The following TRMT11 variants were observed in gnomAD, a reference collection of about 807,000 sequenced individuals.
TRMT11 encodes tRNA methyltransferase 11.
Under a neutral mutation model 62.8 loss-of-function variants are expected in TRMT11, and 53 were observed. That is an observed-to-expected ratio of 0.84 (90% confidence interval 0.68 to 1.06). The LOEUF (loss-of-function observed/expected upper bound fraction) is 1.06, where lower values mean the gene tolerates loss of function less well. Ranked by LOEUF, TRMT11 falls within the 50% of genes least tolerant of loss-of-function variation. The probability of loss-of-function intolerance (pLI) is 0.00; values close to 1 mark genes in which losing one functional copy is unlikely to be tolerated. For synonymous variants in TRMT11, 188 were observed against 190.3 expected (o/e 0.99, Z 0.10); for missense variants, 556 against 553.4 (o/e 1.00, Z -0.05).
chr6:126,064,708 A>G (rs1057299584), intron 17 of TRMT11, among the ~76,000 whole-genome samples: 1 of 151,994 alleles, frequency 6.6e-6, no homozygotes. Context: ...GCCAAAAAAA[A>G]TCATGTAAGT....
At chr6:126,165,943 T>A (rs960191436) in intron 21 of TRMT11, among the ~76,000 whole-genome samples, 1 of 152,212 alleles carries the variant, frequency 6.6e-6, no homozygotes, top group Non-Finnish European at 1.5e-5. Flanking sequence ...TTTGGTCTTT[T>A]CACATAGTCC....
At chr6:126,242,967 G>C in the TRMT11 span, among the ~76,000 whole-genome samples, 4 of 152,026 alleles carry the variant, frequency 2.6e-5, no homozygotes, top group Admixed American at 6.6e-5. Flanking sequence ...TTCTGCACAG[G>C]AAAAGAAACT....
chr6:126,101,617 T>C (rs1777403224), intron 17 of TRMT11, among the ~76,000 whole-genome samples: 1 of 152,242 alleles, frequency 6.6e-6, no homozygotes, highest in East Asian at 1.9e-4. Context: ...TTCAGGTCTT[T>C]TTCACTTATT....
chr6:125,990,970 G>A (rs1790520293), intron 1 of TRMT11, among the ~76,000 whole-genome samples: 1 of 151,984 alleles, frequency 6.6e-6, no homozygotes, highest in Non-Finnish European at 1.5e-5. Context: ...TGGGGGTCCG[G>A]GCGCAGTGGC....
intron 1 of TRMT11, among the ~76,000 whole-genome samples, chr6:126,187,234 T>C (rs1778537479): frequency 6.6e-6 from 1 of 151,716 alleles, no homozygotes; most frequent in Admixed American, 6.6e-5. Flanking sequence ...ACAAAAAAAC[T>C]CTTGGAAATA....
chr6:125,994,235 A>G (rs1018362798), intron 2 of TRMT11, among the ~76,000 whole-genome samples: 4 of 152,190 alleles, frequency 2.6e-5, no homozygotes, highest in Non-Finnish European at 5.9e-5. Flanking sequence ...AGTGTTTGAC[A>G]GAAGTTTGGA....
At chr6:126,247,419 C>G in the TRMT11 span, among the ~76,000 whole-genome samples, 1 of 151,062 alleles carries the variant, frequency 6.6e-6, no homozygotes, top group African/African-American at 2.4e-5. Context: ...AGCCAATAAA[C>G]AGATAATTTA....
chr6:126,203,682 T>C (rs559806461), downstream of TRMT11, among the ~76,000 whole-genome samples: 281 of 152,326 alleles, frequency 1.8e-3, 5 homozygotes, highest in African/African-American at 6.4e-3. Flanking sequence ...TAATGTTATT[T>C]GTGATAGTCA....
At chr6:126,239,566 C>T in the TRMT11 span, among the ~76,000 whole-genome samples, 33 of 152,284 alleles carry the variant, frequency 2.2e-4, no homozygotes, top group East Asian at 2.7e-3. Context: ...AGAGTTTCTG[C>T]GGCGAGATCA....
the TRMT11 span, among the ~76,000 whole-genome samples, chr6:126,223,863 T>C: frequency 3.9e-5 from 6 of 152,184 alleles, no homozygotes; most frequent in African/African-American, 1.4e-4. Flanking sequence ...TTTTTCTTTA[T>C]TTTTCTCTGA....
chr6:126,210,336 G>A, the TRMT11 span, among the ~76,000 whole-genome samples: 5 of 152,150 alleles, frequency 3.3e-5, no homozygotes, highest in African/African-American at 1.2e-4. Flanking sequence ...AGGAGCTGAG[G>A]GTCTCAGTCC....
At chr6:126,006,505 C>G in intron 7 of TRMT11, among the ~76,000 whole-genome samples, 1 of 151,862 alleles carries the variant, frequency 6.6e-6, no homozygotes, top group East Asian at 1.9e-4. Flanking sequence ...CACCGAGTTG[C>G]TAGCATAGAT....
chr6:126,069,469 C>G (rs1200943375), intron 17 of TRMT11, among the ~76,000 whole-genome samples: 1 of 151,678 alleles, frequency 6.6e-6, no homozygotes, highest in Non-Finnish European at 1.5e-5. Flanking sequence ...TTTTTTCTTT[C>G]TTTTTCTTTA....
At chr6:126,204,824 G>A (rs954630806), downstream of TRMT11, among the ~76,000 whole-genome samples, 2 of 152,182 alleles carry the variant, frequency 1.3e-5, no homozygotes, top group African/African-American at 4.8e-5. Context: ...AGCAACACTT[G>A]TTGAGCCAGG....
At chr6:126,156,034 G>C (rs1778117739) in intron 21 of TRMT11, among the ~76,000 whole-genome samples, 1 of 152,158 alleles carries the variant, frequency 6.6e-6, no homozygotes, top group African/African-American at 2.4e-5. Context: ...CCTTTTGGAA[G>C]TTATTAAATC....
rs373236248 is a variant in TRMT11, at chr6:126,071,655, C to CTT, written c.*1437+18480_*1437+18481dup. 7.1e-3 allele frequency among the ~76,000 whole-genome samples: 945 copies of CTT among 133,202 alleles called. 11 individuals carry two copies. Among genetic ancestry groups the CTT allele is most frequent in the African/African-American group, 0.024 (886 of 36,466 alleles). The allele number at this position is 133,202 out of a possible 152,430, so 87.4% of individuals were successfully genotyped here. A position where few individuals can be genotyped will look rare whatever the true frequency, so the allele number is the denominator to read the frequency against. On this transcript the variant is annotated intron_variant and NMD_transcript_variant, in intron 17 of 22. Transcript: ENST00000648977. ...CGAGAGAGTAAATGGGTTTGCTTTG[C>CTT]TTTTTTTTTTTTTTTTCTCTCAGGA...
chr6:126,196,057 G>A (rs1162956283), intron 1 of TRMT11, among the ~76,000 whole-genome samples: 1 of 152,146 alleles, frequency 6.6e-6, no homozygotes, highest in Non-Finnish European at 1.5e-5. Flanking sequence ...ACCAACCTTA[G>A]AACTGTTTAT....
intron 16 of TRMT11, among the ~76,000 whole-genome samples, chr6:126,047,787 C>A (rs1776102261): frequency 6.6e-6 from 1 of 152,218 alleles, no homozygotes; most frequent in African/African-American, 2.4e-5. Context: ...TTTGAGCACA[C>A]CCCTGTCACA....
chr6:126,190,948 A>T (rs1778591581), intron 1 of TRMT11, among the ~76,000 whole-genome samples: 2 of 152,072 alleles, frequency 1.3e-5, no homozygotes, highest in South Asian at 4.1e-4. Flanking sequence ...CTTTCTTTTG[A>T]ATATATACCT....
Sources: gnomAD v4.1 joint callset for allele counts (sites outside exome capture counted in the v4.1 genomes callset) on GRCh38, gnomAD v4.1.1 for gene constraint, MANE v1.5 for transcripts, NCBI Gene and HGNC (gene_info 2026-07-23, HGNC 2026-07-21) for gene names.